Variants in PLEKHA7 observed in about 807,000 individuals in gnomAD.
PLEKHA7 encodes the protein pleckstrin homology domain-containing family A member 7.
In PLEKHA7, 104 loss-of-function variants were observed where a neutral mutation model predicts 170.0. The observed-to-expected ratio is 0.61, with a 90% CI of 0.52 to 0.72. The LOEUF (loss-of-function observed/expected upper bound fraction) is 0.72, where lower values mean the gene tolerates loss of function less well. Ranked by LOEUF, PLEKHA7 falls within the 30% of genes least tolerant of loss-of-function variation. The probability of loss-of-function intolerance (pLI) is 0.00; values close to 1 mark genes in which losing one functional copy is unlikely to be tolerated. For synonymous variants in PLEKHA7, 648 were observed against 660.8 expected (o/e 0.98, Z 0.30); for missense variants, 1,615 against 1,671.7 (o/e 0.97, Z 0.59).
chr11:16,924,982 T>A (rs1014674056), intron 3 of PLEKHA7, among the ~76,000 whole-genome samples: 1 of 152,190 alleles, frequency 6.6e-6, no homozygotes, highest in Non-Finnish European at 1.5e-5. Flanking sequence ...AAACCAGAGC[T>A]GTCACAGGCG....
intron 3 of PLEKHA7, among the ~76,000 whole-genome samples, chr11:16,993,405 C>T (rs1318962738): frequency 6.6e-6 from 1 of 152,142 alleles, no homozygotes; most frequent in Non-Finnish European, 1.5e-5. Context: ...TGTCCTCTGG[C>T]TCTACTCAAC....
intron 3 of PLEKHA7, among the ~76,000 whole-genome samples, chr11:16,962,778 G>C (rs1417991026): frequency 6.6e-6 from 1 of 152,256 alleles, no homozygotes; most frequent in Non-Finnish European, 1.5e-5. Flanking sequence ...ACCTTGATGT[G>C]GTCCTTTGGC....
At chr11:16,845,130 T>C (rs890999625) in intron 8 of PLEKHA7, among the ~76,000 whole-genome samples, 2 of 152,200 alleles carry the variant, frequency 1.3e-5, no homozygotes, top group East Asian at 3.9e-4. Context: ...ATTTAAGTAA[T>C]AGCAGGGAGG....
intron 9 of PLEKHA7, among the ~76,000 whole-genome samples, chr11:16,834,311 TAATA>T (rs1247134124): frequency 2.0e-5 from 3 of 152,144 alleles, no homozygotes; most frequent in African/African-American, 7.2e-5. Flanking sequence ...TGGCCACCCT[TAATA>T]AATATTTATA....
At chr11:16,820,276 TCA>T (rs1850103876) in intron 10 of PLEKHA7, among the ~76,000 whole-genome samples, 1 of 152,200 alleles carries the variant, frequency 6.6e-6, no homozygotes, top group Non-Finnish European at 1.5e-5. Flanking sequence ...CAGGCAAGTA[TCA>T]TCCAGGCCCT....
chr11:16,846,758 G>A (rs986077215), intron 8 of PLEKHA7, among the ~76,000 whole-genome samples: 14 of 152,118 alleles, frequency 9.2e-5, no homozygotes, highest in African/African-American at 3.4e-4. Context: ...CAAAATACAA[G>A]TAAGCCTGAA....
rs766926589 is a variant in PLEKHA7 at position 16,791,035 on chromosome 11, C to T, written c.2910G>A (p.Gly970=). 12 of 1,614,128 alleles carry T rather than the reference C, an allele frequency of 7.4e-6. No homozygotes were observed. Among genetic ancestry groups the T allele is most frequent in the Non-Finnish European group, 1.0e-5 (12 of 1,180,038 alleles). The part of the protein sequence containing the change: ...SDERKRDREL[G]QCVNGDSRVE... Reference sequence around the variant, plus strand: ...CCCTGGAATCCCCATTCACACACTGCCCCAGCTCCCGGTCTCGCTTCCTCT... The same window carrying T: ...CCCTGGAATCCCCATTCACACACTGTCCCAGCTCCCGGTCTCGCTTCCTCT... The change falls in exon 20 of 27, where the codon GGG becomes GGA. Residue 970 remains glycine, a synonymous_variant. Coordinates refer to ENST00000531066, the MANE Select transcript of PLEKHA7 (RefSeq NM_001329630.2). The surrounding 1 kb of genome is among the most constrained non-coding windows in gnomAD (Gnocchi z 4.5).
chr11:16,855,737 T>G, intron 5 of PLEKHA7, 66 bp downstream of exon 5: 5 of 1,204,704 alleles, frequency 4.2e-6, no homozygotes, highest in South Asian at 1.3e-5. Context: ...AATGGACTTC[T>G]GGTTACAAAG....
chr11:16,888,296 G>A (rs958137278), intron 3 of PLEKHA7, among the ~76,000 whole-genome samples: 21 of 152,088 alleles, frequency 1.4e-4, no homozygotes, highest in Non-Finnish European at 2.8e-4. Context: ...GCCCCTTCTG[G>A]GAAGTGAGGA....
At chr11:16,825,489 CT>C (rs1009561206) in intron 10 of PLEKHA7, among the ~76,000 whole-genome samples, 1 of 152,234 alleles carries the variant, frequency 6.6e-6, no homozygotes, top group African/African-American at 2.4e-5. Flanking sequence ...ACAGTGGCTT[CT>C]GGGGACAACG....
intron 3 of PLEKHA7, among the ~76,000 whole-genome samples, chr11:16,983,347 C>T (rs956140188): frequency 3.3e-5 from 5 of 152,144 alleles, no homozygotes; most frequent in African/African-American, 1.2e-4. Context: ...CCGAAGGAGT[C>T]TCTATATCAG....
chr11:16,851,429 A>T, intron 7 of PLEKHA7, 138 bp from the exon 8 acceptor site: 1 of 483,470 alleles, frequency 2.1e-6, no homozygotes. Flanking sequence ...ACACAGGCAA[A>T]GCTCTACCCA....
At chr11:16,983,426 G>C (rs1863554721) in intron 3 of PLEKHA7, among the ~76,000 whole-genome samples, 1 of 152,180 alleles carries the variant, frequency 6.6e-6, no homozygotes, top group Admixed American at 6.5e-5. Flanking sequence ...TGAGATTCCA[G>C]GGATGGAGGT....
intron 3 of PLEKHA7, among the ~76,000 whole-genome samples, chr11:16,947,915 C>CAAAAAAAAAAAAAAAAAAAA: frequency 1.5e-5 from 1 of 67,032 alleles, no homozygotes; most frequent in Non-Finnish European, 3.0e-5. Context: ...GACTCCGTCT[C>CAAAAAAAAAAAAAAAAAAAA]AAAAAAAAAA....
rs770340997 is a variant in PLEKHA7, at chr11:16,789,748, G to A, written c.3156+27C>T. ...CCCTCCCCATGTGAAGGAGCAGGGA[G>A]GTCCTCGACAGCTCAAGGCCACTCA... On this transcript the variant is annotated intron_variant, in intron 22 of 26. Transcript: ENST00000531066. The surrounding 1 kb of genome is among the most constrained non-coding windows in gnomAD (Gnocchi z 4.6). 26 of 1,577,600 alleles carry A rather than the reference G, an allele frequency of 1.6e-5. No individual in the cohort carries two copies. Among genetic ancestry groups the A allele is most frequent in the Middle Eastern group, 1.7e-4 (1 of 5,970 alleles).
At chr11:16,907,592 CCCCGT>C (rs1829287029) in intron 3 of PLEKHA7, among the ~76,000 whole-genome samples, 1 of 123,872 alleles carries the variant, frequency 8.1e-6, no homozygotes, top group Non-Finnish European at 1.8e-5. Flanking sequence ...CGGCCAGCCG[CCCCGT>C]CCGGGAGGTG....
intron 3 of PLEKHA7, among the ~76,000 whole-genome samples, chr11:16,924,616 G>A (rs1225336096): frequency 6.6e-6 from 1 of 152,088 alleles, no homozygotes. Context: ...GGGAGGAGAT[G>A]GGGCTGTCCC....
At chr11:16,820,756 C>A (rs1373025256) in intron 10 of PLEKHA7, among the ~76,000 whole-genome samples, 1 of 152,228 alleles carries the variant, frequency 6.6e-6, no homozygotes, top group Non-Finnish European at 1.5e-5. Flanking sequence ...CCACCCTCAC[C>A]TCCCCACTGC....
intron 3 of PLEKHA7, among the ~76,000 whole-genome samples, chr11:16,950,010 CAG>C: frequency 7.2e-6 from 1 of 139,336 alleles, no homozygotes; most frequent in East Asian, 2.1e-4. Flanking sequence ...AAGCAGATCT[CAG>C]AGAGTGGAGG....
Sources: gnomAD v4.1 joint callset for allele counts (sites outside exome capture counted in the v4.1 genomes callset) on GRCh38, gnomAD v4.1.1 for gene constraint, Gnocchi (gnomAD v3.1) non-coding constraint, MANE v1.5 for transcripts, NCBI Gene and HGNC (gene_info 2026-07-23, HGNC 2026-07-21) for gene names.